Variants in NECAB3 observed in about 807,000 individuals in gnomAD.
NECAB3 encodes N-terminal EF-hand calcium binding protein 3.
A neutral mutation model predicts 57.2 loss-of-function variants in NECAB3; 38 were observed. The ratio of observed to expected loss-of-function variants is 0.66; its 90% CI spans 0.51 to 0.87. The LOEUF (loss-of-function observed/expected upper bound fraction) is 0.87, where lower values mean the gene tolerates loss of function less well. Ranked by LOEUF, NECAB3 falls within the 40% of genes least tolerant of loss-of-function variation. The pLI, the probability that NECAB3 is intolerant of heterozygous loss-of-function variation, is 0.00. For missense variants in NECAB3, 474 were observed against 527.5 expected, an observed-to-expected ratio of 0.90 and a Z score of 0.99; for synonymous variants, 223 against 222.6, an observed-to-expected ratio of 1.00 and a Z score of -0.02.
intron 5 of NECAB3, chr20:33,663,817 G>T: frequency 7.6e-7 from 1 of 1,319,174 alleles, no homozygotes; most frequent in Non-Finnish European, 9.6e-7. Flanking sequence ...AGCCGGCCCC[G>T]CCGAGGAGCA....
At chr20:33,668,022 C>CTT in intron 5 of NECAB3, 2 of 1,542,788 alleles carry the variant, frequency 1.3e-6, no homozygotes, top group Non-Finnish European at 8.8e-7. Context: ...TTCCTGGCTT[C>CTT]GCCGAGCGCC....
intron 5 of NECAB3, among the ~76,000 whole-genome samples, chr20:33,666,288 T>G (rs2017650623): frequency 6.6e-6 from 1 of 152,148 alleles, no homozygotes. Context: ...CTAAGTGGTT[T>G]GGGAAAGGAA....
chr20:33,657,547 C>A lies in NECAB3; in HGVS notation c.*282G>T. ...ACGGGACCTGCCCTGGGTCGCTCAG[C>A]CAGGCAGGGACAGCAGGGACCAGAA... On this transcript the variant is annotated 3_prime_UTR_variant, in exon 12 of 12. Transcript: ENST00000246190. 2.5e-6 allele frequency: 1 copy of A among 392,874 alleles called. No individual in the cohort carries two copies. The highest frequency in any genetic ancestry group is 3.8e-5 in the East Asian group (1 of 26,048). The allele number at this position is 392,874 out of a possible 1,614,324, so 24.3% of individuals were successfully genotyped here.
intron 3 of NECAB3, chr20:33,670,365 C>G (rs780643959): frequency 1.6e-5 from 5 of 316,672 alleles, no homozygotes; most frequent in Non-Finnish European, 2.9e-5. Context: ...TGTTTATGCA[C>G]TGCATTCTCG....
At chr20:33,658,591 C>T (rs929750313) in intron 9 of NECAB3, 37 bp from the exon 10 acceptor site, 3 of 1,611,484 alleles carry the variant, frequency 1.9e-6, no homozygotes, top group Middle Eastern at 1.7e-4. Context: ...CAGGCCAGGG[C>T]TGCCACCACC....
chr20:33,663,802 C>A (rs915206130), intron 5 of NECAB3: 3 of 1,418,684 alleles, frequency 2.1e-6, no homozygotes, highest in Admixed American at 3.2e-5. Flanking sequence ...GAAGGCTCCC[C>A]GCGAAGCCGG....
chr20:33,663,205 G>C (rs1568895615), intron 5 of NECAB3, among the ~76,000 whole-genome samples: 1 of 152,232 alleles, frequency 6.6e-6, no homozygotes, highest in Admixed American at 6.5e-5. Flanking sequence ...ACCAGGCGGG[G>C]GTGGGAGGTG....
At chr20:33,661,215 C>T (rs770880068) in intron 5 of NECAB3, among the ~76,000 whole-genome samples, 3 of 152,208 alleles carry the variant, frequency 2.0e-5, no homozygotes, top group Non-Finnish European at 4.4e-5. Flanking sequence ...AGCCATCTAT[C>T]GTCAAGTGTA....
At position 33,657,370 on chromosome 20, in the gene NECAB3, C is replaced by T. The variant is rs764102432; in HGVS notation, c.*459G>A. 85 of 169,756 alleles carry T rather than the reference C, an allele frequency of 5.0e-4. No individual in the cohort carries two copies. The highest frequency in any genetic ancestry group is 2.5e-5 in the Non-Finnish European group (2 of 79,870). 10.5% of individuals were successfully genotyped at this position (169,756 alleles called of 1,614,324 possible). A position where few individuals can be genotyped will look rare whatever the true frequency, so the allele number is the denominator to read the frequency against. ...GGGGCACCCAGCTCAGGCCCAGCCT[C>T]GGAGGCAAGGTTTGAGGGTTGGGGG... On this transcript the variant is annotated 3_prime_UTR_variant, in exon 12 of 12. Transcript: ENST00000246190.
At chr20:33,672,200 T>C (rs2122524354) in intron 2 of NECAB3, 198 bp downstream of exon 2, 1 of 644,692 alleles carries the variant, frequency 1.6e-6, no homozygotes, top group Non-Finnish European at 2.7e-6. Flanking sequence ...CCAAACCACA[T>C]TCTCTCCACT....
Position 33,667,674 on chromosome 20 carries a change from G to C in NECAB3, c.387+1701C>G, listed in dbSNP as rs780507271. On this transcript the variant is annotated intron_variant, in intron 5 of 11. Transcript: ENST00000246190. Reference sequence around the variant, plus strand: ...CCCTGTCGCGCTACCTGCGGGATCTGCTGGTGGCGGCGAACCCTGACCTCT... The same window carrying C: ...CCCTGTCGCGCTACCTGCGGGATCTCCTGGTGGCGGCGAACCCTGACCTCT... The C allele has an allele frequency of 1.1e-5, 17 of 1,611,702 alleles. 1 individual carries two copies. The South Asian group carries it at 1.9e-4, about 18-fold the overall frequency.
At chr20:33,668,123 T>C (rs1254999862) in intron 5 of NECAB3, 1 of 1,611,278 alleles carries the variant, frequency 6.2e-7, no homozygotes, top group Non-Finnish European at 8.5e-7. Flanking sequence ...GGCATGGCTG[T>C]GTGGACCGGC....
chr20:33,667,904 C>T lies in NECAB3; in HGVS notation c.387+1471G>A. 6.3e-7 allele frequency: 1 copy of T among 1,578,938 alleles called. No individual in the cohort carries two copies. Among genetic ancestry groups the T allele is most frequent in the Non-Finnish European group, 8.6e-7 (1 of 1,163,046 alleles). On this transcript the variant is annotated intron_variant, in intron 5 of 11. Transcript: ENST00000246190. ...TTCCAGCCGGGCCTGCTGGGCCAGG[C>T]TGAGCAGGGGCTGCCCGCGCTGGCC... is the stretch of plus-strand genomic sequence containing the variant.
chr20:33,658,414 C>G, intron 10 of NECAB3, 63 bp downstream of exon 10: 2 of 1,537,822 alleles, frequency 1.3e-6, no homozygotes, highest in South Asian at 1.1e-5. Flanking sequence ...AGAATTAGAA[C>G]CCTGGCCTGA....
intron 5 of NECAB3, chr20:33,662,241 C>T (rs552961573): frequency 1.7e-5 from 24 of 1,442,526 alleles, no homozygotes; most frequent in Middle Eastern, 3.7e-4. Context: ...GTGCTCAGAG[C>T]CTGCAATTGG....
intron 3 of NECAB3, chr20:33,670,065 A>C: frequency 3.7e-6 from 1 of 273,748 alleles, no homozygotes; most frequent in Non-Finnish European, 6.8e-6. Flanking sequence ...TGGGGTATTT[A>C]GTTGTAGGTT....
At chr20:33,669,349 C>A (rs763952631) in intron 5 of NECAB3, 26 bp downstream of exon 5, 2 of 1,607,448 alleles carry the variant, frequency 1.2e-6, no homozygotes, top group Non-Finnish European at 1.7e-6. Flanking sequence ...CACAGTGGAT[C>A]CCCCACCATC....
At chr20:33,663,543 G>T in intron 5 of NECAB3, 1 of 1,610,266 alleles carries the variant, frequency 6.2e-7, no homozygotes. Flanking sequence ...CCAGGATCGT[G>T]CTGATTCTCC....
chr20:33,659,729 C>A lies in NECAB3; in HGVS notation c.647G>T (p.Arg216Leu). ...TWSPGSSDTGRSSEAEMQWRL... is the reference protein window; with the variant it reads ...TWSPGSSDTGLSSEAEMQWRL... ...CCACTGCATCTCGGCCTCTGAGCTG[C>A]GCCCTGTGTGTGGGGCCCGTGCAGG... is the stretch of plus-strand genomic sequence containing the variant. Residue 216 changes from arginine to leucine, a missense_variant, in exon 8 of 12, where the codon CGC becomes CTC. By Grantham distance (102) the Arg-to-Leu change is moderately radical. Coordinates refer to ENST00000246190, the MANE Select transcript of NECAB3 (RefSeq NM_031232.4). 1 of 1,594,856 alleles carries A rather than the reference C, an allele frequency of 6.3e-7. No individual in the cohort carries two copies.
Sources: allele counts gnomAD v4.1 joint callset (sites outside exome capture counted in the v4.1 genomes callset), GRCh38; gene constraint gnomAD v4.1.1; transcripts MANE v1.5; gene names NCBI Gene and HGNC (gene_info 2026-07-23, HGNC 2026-07-21).